Variants in NAV3 observed in about 807,000 individuals in gnomAD.
NAV3 encodes pore membrane and/or filament interacting like protein 1.
Under a neutral mutation model 244.7 loss-of-function variants are expected in NAV3, and 87 were observed. That is an observed-to-expected ratio of 0.36 (90% CI 0.30 to 0.42). The LOEUF (loss-of-function observed/expected upper bound fraction) is 0.42, where lower values mean the gene tolerates loss of function less well. Ranked by LOEUF, NAV3 falls within the 20% of genes least tolerant of loss-of-function variation. The probability of loss-of-function intolerance (pLI) is 1.00; values close to 1 mark genes in which losing one functional copy is unlikely to be tolerated. For synonymous variants in NAV3, 1,126 were observed against 1,042.2 expected (o/e 1.08, Z -1.55); for missense variants, 2,663 against 2,893.3 (o/e 0.92, Z 1.83).
intron 9 of NAV3, chr12:78,037,112 C>G (rs1189933480): frequency 1.4e-6 from 1 of 703,038 alleles, no homozygotes; most frequent in Non-Finnish European, 2.6e-6. Context: ...ATCACACCAG[C>G]AGCTCAGCCT....
In NAV3 at chr12:77,998,382, G is replaced by A; in HGVS notation, c.786G>A (p.Lys262=). 1.2e-6 allele frequency: 2 copies of A among 1,607,654 alleles called. No individual in the cohort carries two copies. Among genetic ancestry groups the A allele is most frequent in the Non-Finnish European group, 1.7e-6 (2 of 1,176,862 alleles). The change falls in exon 7 of 40, where the codon AAG becomes AAA. Residue 262 remains lysine (K), a synonymous_variant. Coordinates refer to ENST00000397909, the MANE Select transcript of NAV3 (RefSeq NM_001024383.2). ...SRVPAAGSSS[K]VQGASNLNRR... is the part of the protein sequence containing the mutation. ...TGCCTGCTGCAGGAAGCAGCAGCAA[G>A]GTCCAGGGAGCCTCTAATTTAAATA...
At chr12:77,897,271 C>G (rs1018154594) in intron 1 of NAV3, among the ~76,000 whole-genome samples, 1 of 152,186 alleles carries the variant, frequency 6.6e-6, no homozygotes, top group African/African-American at 2.4e-5. Context: ...TTTTGGAAAT[C>G]AGCAAATCTT....
rs568566488 is a variant in NAV3, at chr12:77,921,529, C to T, written c.244-18790C>T. Among the ~76,000 whole-genome samples, 23 of 152,014 alleles carry T rather than the reference C, an allele frequency of 1.5e-4. No homozygotes were observed. In the South Asian group the frequency reaches 3.3e-3, roughly 22 times the overall value. ...ATATATTAGAGCAGGAAAATCATGC[C>T]GTTGTTAAGAACTGCAGTTTGGAAC... On this transcript the variant is annotated intron_variant, in intron 1 of 39. Coordinates refer to ENST00000397909, the MANE Select transcript of NAV3 (RefSeq NM_001024383.2).
Position 77,823,958 on chromosome 12 carries a change from A to G in NAV3, c.73-116361A>G, listed in dbSNP as rs191867422. ...ATGGAACTCCTAGAGATGAAAAAGT[A>G]TAGTGTGTGAATTAAAAATACATGA... On this transcript the variant is annotated intron_variant, in intron 2 of 8. Coordinates refer to the NAV3 transcript ENST00000550042. Among the ~76,000 whole-genome samples the G allele has an allele frequency of 3.1e-3, 474 of 152,354 alleles. 1 individual carries two copies. The highest frequency in any genetic ancestry group is 5.5e-3 in the Non-Finnish European group (373 of 68,036).
intron 5 of NAV3, among the ~76,000 whole-genome samples, chr12:77,970,723 T>A (rs1892930207): frequency 6.6e-6 from 1 of 152,232 alleles, no homozygotes. Flanking sequence ...TTCTTGGATG[T>A]TTGTAAGCAT....
intron 1 of NAV3, among the ~76,000 whole-genome samples, chr12:77,832,622 T>A (rs1873914327): frequency 6.6e-6 from 1 of 152,194 alleles, no homozygotes; most frequent in Non-Finnish European, 1.5e-5. Flanking sequence ...TATCATGTCT[T>A]TGTGTTGCAA....
intron 2 of NAV3, among the ~76,000 whole-genome samples, chr12:77,700,497 T>A (rs1300422273): frequency 6.6e-6 from 1 of 152,288 alleles, no homozygotes; most frequent in Non-Finnish European, 1.5e-5. Flanking sequence ...TTCTGTCTAG[T>A]CTTCATGATT....
chr12:77,898,640 A>G (rs1452199124), intron 1 of NAV3, among the ~76,000 whole-genome samples: 1 of 152,222 alleles, frequency 6.6e-6, no homozygotes, highest in Non-Finnish European at 1.5e-5. Flanking sequence ...CACAGATAAA[A>G]TCAACATAAT....
chr12:77,916,305 CAG>C (rs1887137674), intron 1 of NAV3, among the ~76,000 whole-genome samples: 1 of 151,902 alleles, frequency 6.6e-6, no homozygotes, highest in Non-Finnish European at 1.5e-5. Flanking sequence ...ATATTTATTT[CAG>C]AGAGGAGGAA....
At chr12:77,757,423 C>CCTT (rs1196699781) in intron 2 of NAV3, among the ~76,000 whole-genome samples, 4 of 152,160 alleles carry the variant, frequency 2.6e-5, no homozygotes, top group Non-Finnish European at 5.9e-5. Flanking sequence ...TTGAAATGTG[C>CCTT]CTTCTTCTCT....
At chr12:78,140,653 C>G (rs563768279) in intron 20 of NAV3, among the ~76,000 whole-genome samples, 1 of 152,232 alleles carries the variant, frequency 6.6e-6, no homozygotes, top group African/African-American at 2.4e-5. Context: ...GTCTGCTATA[C>G]TATCATTTTA....
Position 77,987,826 on chromosome 12 carries a change from T to C in NAV3, c.672-6977T>C, listed in dbSNP as rs553112211. ...AGGATTGAGATTGGGGTTTGAAATA[T>C]ACATTTGCTATACAAGAAGGAAGGA... is the stretch of plus-strand genomic sequence containing the variant. On this transcript the variant is annotated intron_variant, in intron 5 of 39. Transcript: ENST00000397909. Among the ~76,000 whole-genome samples, 9 of 152,300 alleles carry C rather than the reference T, an allele frequency of 5.9e-5. No homozygotes were observed. The South Asian group carries it at 1.0e-3, about 18-fold the overall frequency.
intron 2 of NAV3, among the ~76,000 whole-genome samples, chr12:77,604,385 A>G (rs1484970665): frequency 2.0e-5 from 3 of 152,092 alleles, no homozygotes; most frequent in African/African-American, 7.2e-5. Context: ...AGTAATAGGA[A>G]CAAAAAGAGG....
intron 1 of NAV3, among the ~76,000 whole-genome samples, chr12:77,858,039 C>A (rs973150067): frequency 2.6e-5 from 4 of 152,012 alleles, no homozygotes; most frequent in Admixed American, 6.6e-5. Flanking sequence ...AGACAAAATA[C>A]AATCCATATT....
At chr12:78,030,226 C>G (rs1177271909) in intron 9 of NAV3, among the ~76,000 whole-genome samples, 1 of 152,136 alleles carries the variant, frequency 6.6e-6, no homozygotes, top group Non-Finnish European at 1.5e-5. Context: ...ATGAACCTCT[C>G]AGAATTCTAA....
chr12:77,946,851 AT>A (rs898266746), intron 3 of NAV3, among the ~76,000 whole-genome samples: 21 of 152,178 alleles, frequency 1.4e-4, no homozygotes, highest in African/African-American at 4.8e-4. Flanking sequence ...CATTTAAAAC[AT>A]TTTTTAAATA....
chr12:77,610,362 T>G (rs1429377416), intron 2 of NAV3, among the ~76,000 whole-genome samples: 1 of 152,106 alleles, frequency 6.6e-6, no homozygotes, highest in Non-Finnish European at 1.5e-5. Context: ...ATGTCCTCTT[T>G]GTCAGGTATC....
At chr12:78,046,375 T>C (rs924659474) in intron 9 of NAV3, among the ~76,000 whole-genome samples, 1 of 152,242 alleles carries the variant, frequency 6.6e-6, no homozygotes, top group Non-Finnish European at 1.5e-5. Flanking sequence ...TTTAGTGCTA[T>C]GAATTTCCCT....
At chr12:77,960,204 A>C (rs17044607) in intron 3 of NAV3, among the ~76,000 whole-genome samples, 13,316 of 151,982 alleles carry the variant, frequency 0.088, 725 homozygotes, top group East Asian at 0.13. Flanking sequence ...ATCAGGGTCA[A>C]TGTTCAGGAG....
Sources: gnomAD v4.1 joint callset for allele counts (sites outside exome capture counted in the v4.1 genomes callset) on GRCh38, gnomAD v4.1.1 for gene constraint, MANE v1.5 for transcripts, NCBI Gene and HGNC (gene_info 2026-07-23, HGNC 2026-07-21) for gene names.